Variants in RAB38 observed in about 807,000 individuals in gnomAD.
RAB38 encodes ras-related protein Rab-38.
A neutral mutation model predicts 18.4 loss-of-function variants in RAB38; 15 were observed. The observed-to-expected ratio is 0.82, with a 90% CI of 0.55 to 1.26. RAB38 has a LOEUF of 1.26. RAB38 is among the 50% of genes most tolerant of loss of function. RAB38 has a pLI of 0.00. For missense variants in RAB38, 294 were observed against 267.4 expected, an observed-to-expected ratio of 1.10 and a Z score of -0.69; for synonymous variants, 101 against 104.4, an observed-to-expected ratio of 0.97 and a Z score of 0.20.
At chr11:88,079,125 AC>A in the RAB38 span, among the ~76,000 whole-genome samples, 1 of 152,018 alleles carries the variant, frequency 6.6e-6, no homozygotes, top group Non-Finnish European at 1.5e-5. Flanking sequence ...CAACTAAAAA[AC>A]AATAGAGAAA....
the RAB38 span, among the ~76,000 whole-genome samples, chr11:87,919,783 C>T: frequency 6.6e-6 from 1 of 151,870 alleles, no homozygotes; most frequent in African/African-American, 2.4e-5. Context: ...TGCTCTTAAC[C>T]ATTATTGGTC....
the RAB38 span, among the ~76,000 whole-genome samples, chr11:88,003,940 T>C: frequency 4.2e-5 from 5 of 119,154 alleles, no homozygotes; most frequent in South Asian, 4.9e-4. Flanking sequence ...TATATACTTA[T>C]ATAGAGAGAT....
the RAB38 span, among the ~76,000 whole-genome samples, chr11:87,809,700 T>A: frequency 4.2e-5 from 6 of 142,994 alleles, no homozygotes; most frequent in East Asian, 4.1e-4. Context: ...GAAAAAAAAA[T>A]AAGTTTTGGG....
the RAB38 span, among the ~76,000 whole-genome samples, chr11:87,850,072 G>A: frequency 3.9e-5 from 6 of 151,958 alleles, no homozygotes; most frequent in Non-Finnish European, 7.4e-5. Flanking sequence ...TCTCTCACAC[G>A]TGTCCACATA....
the RAB38 span, among the ~76,000 whole-genome samples, chr11:88,014,941 G>C: frequency 6.6e-6 from 1 of 152,112 alleles, no homozygotes; most frequent in Non-Finnish European, 1.5e-5. Flanking sequence ...GAAAGTTGTG[G>C]AGACACAACA....
chr11:88,102,201 T>C, the RAB38 span, among the ~76,000 whole-genome samples: 19 of 152,158 alleles, frequency 1.2e-4, 1 homozygote. Flanking sequence ...TCAGGATACA[T>C]GCCAGGTTGT....
chr11:87,852,139 C>T, the RAB38 span, among the ~76,000 whole-genome samples: 2 of 151,878 alleles, frequency 1.3e-5, no homozygotes, highest in African/African-American at 4.8e-5. Context: ...TCTTTAGAGA[C>T]AAGGATATTC....
chr11:87,934,462 A>G, the RAB38 span, among the ~76,000 whole-genome samples: 1 of 152,136 alleles, frequency 6.6e-6, no homozygotes, highest in African/African-American at 2.4e-5. Context: ...AAATCCACCC[A>G]AAAGTGTTAT....
At chr11:87,972,886 T>C in the RAB38 span, among the ~76,000 whole-genome samples, 1 of 152,040 alleles carries the variant, frequency 6.6e-6, no homozygotes, top group African/African-American at 2.4e-5. Flanking sequence ...GATTGGATCA[T>C]GGGGGCAGGT....
intron 2 of RAB38, among the ~76,000 whole-genome samples, chr11:88,114,847 T>C (rs1476423154): frequency 6.6e-6 from 1 of 152,208 alleles, no homozygotes; most frequent in African/African-American, 2.4e-5. Flanking sequence ...GCCCATGCTA[T>C]GTAGTGTGCA....
chr11:87,893,768 A>T, the RAB38 span, among the ~76,000 whole-genome samples: 2 of 151,670 alleles, frequency 1.3e-5, no homozygotes, highest in East Asian at 3.9e-4. Flanking sequence ...GCCTGAGTGG[A>T]ATCATACAGT....
At chr11:88,044,998 C>G in the RAB38 span, among the ~76,000 whole-genome samples, 5 of 152,196 alleles carry the variant, frequency 3.3e-5, no homozygotes, top group Admixed American at 6.5e-5. Flanking sequence ...ATGGCTGGAG[C>G]TAAAGGCATA....
At chr11:87,838,327 G>T in the RAB38 span, among the ~76,000 whole-genome samples, 1 of 152,086 alleles carries the variant, frequency 6.6e-6, no homozygotes, top group African/African-American at 2.4e-5. Context: ...TGTTAGCCAG[G>T]ATGGTCTCGA....
chr11:88,154,901 C>A (rs551374329), intron 1 of RAB38, among the ~76,000 whole-genome samples: 2 of 152,214 alleles, frequency 1.3e-5, no homozygotes, highest in Admixed American at 1.3e-4. Context: ...ATTAGAAGCA[C>A]CACCTCACCT....
chr11:87,883,187 C>G, the RAB38 span, among the ~76,000 whole-genome samples: 1 of 151,996 alleles, frequency 6.6e-6, no homozygotes, highest in African/African-American at 2.4e-5. Context: ...CTCTAGATCA[C>G]TCGATATTTC....
At chr11:88,173,446 G>T (rs1943334940) in intron 1 of RAB38, 3 of 823,726 alleles carry the variant, frequency 3.6e-6, no homozygotes, top group Non-Finnish European at 2.9e-6. Context: ...GTAAAGTAAG[G>T]ATCCAGATGG....
chr11:88,067,122 G>T, the RAB38 span, among the ~76,000 whole-genome samples: 7 of 152,154 alleles, frequency 4.6e-5, no homozygotes, highest in Non-Finnish European at 1.0e-4. Context: ...CAGATGCACT[G>T]CAGCCACTAG....
chr11:88,038,346 C>T, the RAB38 span, among the ~76,000 whole-genome samples: 2 of 152,180 alleles, frequency 1.3e-5, no homozygotes, highest in Admixed American at 1.3e-4. Flanking sequence ...TGGTTCCAGA[C>T]CACATCGCAA....
At chr11:88,150,397 C>T (rs756996836) in intron 1 of RAB38, among the ~76,000 whole-genome samples, 23 of 152,120 alleles carry the variant, frequency 1.5e-4, no homozygotes, top group Non-Finnish European at 3.2e-4. Context: ...ATAGAACATT[C>T]GATTGGGCAA....
Sources: gnomAD v4.1 joint callset for allele counts (sites outside exome capture counted in the v4.1 genomes callset) on GRCh38, gnomAD v4.1.1 for gene constraint, MANE v1.5 for transcripts, NCBI Gene and HGNC (gene_info 2026-07-23, HGNC 2026-07-21) for gene names.